The following MACROD2 variants were observed in gnomAD, a reference collection of about 807,000 sequenced individuals.
The protein encoded by MACROD2 is mono-ADP ribosylhydrolase 2.
In MACROD2, 36 loss-of-function variants were observed where a neutral mutation model predicts 70.4. The observed-to-expected ratio is 0.51, with a 90% confidence interval of 0.39 to 0.68. The LOEUF (loss-of-function observed/expected upper bound fraction) is 0.68, where lower values mean the gene tolerates loss of function less well. Ranked by LOEUF, MACROD2 falls within the 30% of genes least tolerant of loss-of-function variation. The probability of loss-of-function intolerance (pLI) is 0.00; values close to 1 mark genes in which losing one functional copy is unlikely to be tolerated. For missense variants in MACROD2, 496 were observed against 538.4 expected, an observed-to-expected ratio of 0.92 and a Z score of 0.78; for synonymous variants, 172 against 178.8, an observed-to-expected ratio of 0.96 and a Z score of 0.30.
At chr20:14,037,868 A>G (rs2053336629) in intron 2 of MACROD2, among the ~76,000 whole-genome samples, 1 of 151,928 alleles carries the variant, frequency 6.6e-6, no homozygotes, top group South Asian at 2.1e-4. Flanking sequence ...CAAGAAAATT[A>G]GCCCAGCATG....
chr20:14,273,820 C>A (rs1340971955), intron 3 of MACROD2, among the ~76,000 whole-genome samples: 1 of 151,612 alleles, frequency 6.6e-6, no homozygotes, highest in South Asian at 2.1e-4. Flanking sequence ...GATATCACCA[C>A]CGATCCCACA....
chr20:14,439,083 G>A (rs1052653135), intron 3 of MACROD2, among the ~76,000 whole-genome samples: 3 of 152,122 alleles, frequency 2.0e-5, no homozygotes, highest in African/African-American at 4.8e-5. Flanking sequence ...TTTTGTACAT[G>A]ATGTAAGATA....
At chr20:15,977,701 C>G (rs1256474394) in intron 13 of MACROD2, among the ~76,000 whole-genome samples, 1 of 152,130 alleles carries the variant, frequency 6.6e-6, no homozygotes, top group Non-Finnish European at 1.5e-5. Context: ...CAAAGACAGA[C>G]ACAACTACAT....
intron 6 of MACROD2, among the ~76,000 whole-genome samples, chr20:15,281,181 T>C (rs1361007649): frequency 6.6e-6 from 1 of 152,182 alleles, no homozygotes; most frequent in Non-Finnish European, 1.5e-5. Context: ...CCACTTGACA[T>C]GTAGGGATTG....
intron 5 of MACROD2, among the ~76,000 whole-genome samples, chr20:14,805,479 A>G (rs377273109): frequency 6.6e-6 from 1 of 152,104 alleles, no homozygotes; most frequent in South Asian, 2.1e-4. Flanking sequence ...TAGTCTGTTC[A>G]TATTAAATAT....
chr20:14,267,413 C>A (rs1022286878), intron 3 of MACROD2, among the ~76,000 whole-genome samples: 4 of 152,080 alleles, frequency 2.6e-5, no homozygotes, highest in African/African-American at 7.2e-5. Context: ...GAAGCACTGA[C>A]TTAACCAATG....
intron 13 of MACROD2, among the ~76,000 whole-genome samples, chr20:15,970,303 C>G (rs768880764): frequency 6.6e-6 from 1 of 152,062 alleles, no homozygotes; most frequent in Non-Finnish European, 1.5e-5. Context: ...CTGGATAAGT[C>G]TAGATAAATA....
At chr20:15,143,389 T>A (rs1342750776) in intron 5 of MACROD2, among the ~76,000 whole-genome samples, 1 of 152,212 alleles carries the variant, frequency 6.6e-6, no homozygotes, top group African/African-American at 2.4e-5. Context: ...TTTGCTTAAG[T>A]TCTTTGTAGA....
chr20:14,216,084 C>G (rs1290457964), intron 3 of MACROD2, among the ~76,000 whole-genome samples: 1 of 151,948 alleles, frequency 6.6e-6, no homozygotes, highest in African/African-American at 2.4e-5. Context: ...AAATCGTAAG[C>G]CAATGTCTAG....
At chr20:14,223,708 A>G (rs923468888) in intron 3 of MACROD2, among the ~76,000 whole-genome samples, 7 of 151,896 alleles carry the variant, frequency 4.6e-5, no homozygotes, top group East Asian at 1.9e-4. Context: ...GGGTTTTACT[A>G]TGTTGGCCAG....
intron 4 of MACROD2, among the ~76,000 whole-genome samples, chr20:14,616,608 C>T (rs184312519): frequency 1.3e-3 from 196 of 152,138 alleles, no homozygotes; most frequent in Non-Finnish European, 2.3e-3. Flanking sequence ...GTGATTTTTG[C>T]GGCTTCTTAA....
At chr20:15,167,186 C>T (rs553772008) in intron 5 of MACROD2, among the ~76,000 whole-genome samples, 8 of 152,082 alleles carry the variant, frequency 5.3e-5, no homozygotes, top group African/African-American at 1.4e-4. Context: ...AAAGTGTAAA[C>T]AGTCTTTTAA....
intron 1 of MACROD2, among the ~76,000 whole-genome samples, chr20:13,999,570 C>T (rs749651892): frequency 6.6e-6 from 1 of 152,106 alleles, no homozygotes; most frequent in Non-Finnish European, 1.5e-5. Context: ...ATACCAGTTG[C>T]CTGGGTTTGA....
At chr20:14,737,613 C>A (rs2071683313) in intron 5 of MACROD2, among the ~76,000 whole-genome samples, 1 of 152,182 alleles carries the variant, frequency 6.6e-6, no homozygotes, top group African/African-American at 2.4e-5. Flanking sequence ...TCTCCAGCAT[C>A]TATTGTTTCC....
At chr20:15,599,705 A>G (rs533090238) in intron 8 of MACROD2, among the ~76,000 whole-genome samples, 34 of 152,244 alleles carry the variant, frequency 2.2e-4, no homozygotes, top group Non-Finnish European at 4.3e-4. Flanking sequence ...CAATATGTCT[A>G]TATTTTAAAT....
At chr20:15,551,548 CT>C (rs1358859203) in intron 8 of MACROD2, among the ~76,000 whole-genome samples, 1 of 152,038 alleles carries the variant, frequency 6.6e-6, no homozygotes, top group African/African-American at 2.4e-5. Flanking sequence ...AGATGCGTGC[CT>C]TACATTTCTA....
chr20:14,735,520 A>G (rs2071653484), intron 5 of MACROD2, among the ~76,000 whole-genome samples: 1 of 152,110 alleles, frequency 6.6e-6, no homozygotes, highest in Non-Finnish European at 1.5e-5. Context: ...GAGAAATTGA[A>G]TGGACCCTGC....
intron 3 of MACROD2, among the ~76,000 whole-genome samples, chr20:14,460,971 T>TA (rs914521913): frequency 5.9e-5 from 9 of 151,886 alleles, no homozygotes; most frequent in African/African-American, 2.2e-4. Flanking sequence ...CTTTTTTTTT[T>TA]ATCGTTCGGA....
At chr20:14,461,535 A>G (rs1276742276) in intron 3 of MACROD2, among the ~76,000 whole-genome samples, 1 of 151,546 alleles carries the variant, frequency 6.6e-6, no homozygotes, top group Non-Finnish European at 1.5e-5. Context: ...GTTTTAGGAT[A>G]CATGTCCACA....
Sources: allele counts gnomAD v4.1 joint callset (sites outside exome capture counted in the v4.1 genomes callset), GRCh38; gene constraint gnomAD v4.1.1; transcripts MANE v1.5; gene names NCBI Gene and HGNC (gene_info 2026-07-23, HGNC 2026-07-21).